Variants in OTOG observed in about 807,000 individuals in gnomAD.
The protein encoded by OTOG is otogelin.
In OTOG, 296 loss-of-function variants were observed where a neutral mutation model predicts 313.8. The observed-to-expected ratio is 0.94, with a 90% CI of 0.86 to 1.04. OTOG has a LOEUF of 1.04. Among genes scored for constraint, OTOG ranks in the 50% least tolerant of loss-of-function variants. OTOG has a pLI of 0.00. For synonymous variants in OTOG, 1,533 were observed against 1,554.9 expected (o/e 0.99, Z 0.33); for missense variants, 3,948 against 3,840.1 (o/e 1.03, Z -0.74).
chr11:17,570,111 TGGGCC>T, intron 16 of OTOG, 97 bp from the exon 17 acceptor site: 1 of 1,097,126 alleles, frequency 9.1e-7, no homozygotes. Context: ...GGGCGAAGAC[TGGGCC>T]GGGCGTGGGA....
chr11:17,639,966 A>T (rs7944097), intron 49 of OTOG, among the ~76,000 whole-genome samples: 22,912 of 143,178 alleles, frequency 0.16, 2,023 homozygotes, highest in Non-Finnish European at 0.21. Context: ...TGGTGGGGAC[A>T]GTGAGGGTGA....
chr11:17,571,970 A>G, intron 17 of OTOG, 110 bp from the exon 18 acceptor site: 2 of 1,405,684 alleles, frequency 1.4e-6, no homozygotes, highest in Non-Finnish European at 1.9e-6. Context: ...TGTGTAGATT[A>G]TGACTATGTG....
chr11:17,560,876 G>A, intron 13 of OTOG, 59 bp downstream of exon 13: 4 of 1,423,364 alleles, frequency 2.8e-6, no homozygotes, highest in Non-Finnish European at 3.9e-6. Flanking sequence ...CTTTCCACGA[G>A]GGCTGCCCAT....
At chr11:17,584,040 T>C (rs534151051) in intron 23 of OTOG, among the ~76,000 whole-genome samples, 1 of 152,362 alleles carries the variant, frequency 6.6e-6, no homozygotes, top group East Asian at 1.9e-4. Flanking sequence ...CATTGAATTT[T>C]TCATAGGTAT....
intron 24 of OTOG, among the ~76,000 whole-genome samples, chr11:17,587,926 C>T (rs892747309): frequency 6.6e-5 from 10 of 152,176 alleles, no homozygotes; most frequent in African/African-American, 2.4e-4. Context: ...CATCACTTCC[C>T]TGGACTCCAG....
At chr11:17,556,484 G>C (rs1020394067) in intron 7 of OTOG, among the ~76,000 whole-genome samples, 2 of 152,206 alleles carry the variant, frequency 1.3e-5, no homozygotes, top group African/African-American at 4.8e-5. Context: ...GGGTCTTCCT[G>C]TAATGACACT....
At chr11:17,571,180 A>G (rs926754664) in intron 17 of OTOG, among the ~76,000 whole-genome samples, 1 of 152,248 alleles carries the variant, frequency 6.6e-6, no homozygotes, top group African/African-American at 2.4e-5. Context: ...CAATGCATAT[A>G]TATTTAAAAC....
rs1277995674 is a variant in OTOG, at chr11:17,608,404, A to T, written c.4265A>T (p.Asp1422Val). Residue 1422 changes from aspartate (D) to valine (V), a missense_variant, in exon 34 of 56, where the codon GAC (aspartate) becomes GTC (valine). Coordinates refer to ENST00000399397, the MANE Select transcript of OTOG (RefSeq NM_001292063.2). The stretch of plus-strand genomic sequence containing the variant: ...GACCCACGGGCAGCCAGCTGCCGGG[A>T]CGTACCCAGGTGAGATGCCAGGGGC... ...CRDPRAASCRDVPRVEGCVPV... is the reference protein window; with the variant it reads ...CRDPRAASCRVVPRVEGCVPV... The T allele has an allele frequency of 1.0e-5, 16 of 1,540,392 alleles. No homozygotes were observed. Among genetic ancestry groups the T allele is most frequent in the Admixed American group, 4.0e-5 (2 of 49,764 alleles).
At chr11:17,643,723 C>T (rs1480915518) in intron 54 of OTOG, among the ~76,000 whole-genome samples, 2 of 152,232 alleles carry the variant, frequency 1.3e-5, no homozygotes, top group African/African-American at 4.8e-5. Context: ...TGTTCCCATA[C>T]AAAACCTCTG....
At chr11:17,627,676 GT>G (rs141633433) in intron 39 of OTOG, among the ~76,000 whole-genome samples, 12,448 of 152,172 alleles carry the variant, frequency 0.082, 863 homozygotes, top group African/African-American at 0.19. Flanking sequence ...TTCTTCAAAT[GT>G]TTGGTAGAAG....
chr11:17,644,562 A>C (rs1171812475), intron 54 of OTOG, among the ~76,000 whole-genome samples: 1 of 152,250 alleles, frequency 6.6e-6, no homozygotes, highest in Non-Finnish European at 1.5e-5. Flanking sequence ...ACAGAATAAC[A>C]AGTATAAAAA....
At position 17,594,913 on chromosome 11, in the gene OTOG, G is replaced by A. The variant is rs143340698; in HGVS notation, c.3408+747G>A. Reference sequence around the variant, plus strand: ...TCAAAACAGACTGCTTGGGAGCTATGTTGAGAAACATCCAAGATCTGTGTC... The same window carrying A: ...TCAAAACAGACTGCTTGGGAGCTATATTGAGAAACATCCAAGATCTGTGTC... On this transcript the variant is annotated intron_variant, in intron 28 of 55. Coordinates refer to ENST00000399397, the MANE Select transcript of OTOG (RefSeq NM_001292063.2). 3.7e-3 allele frequency among the ~76,000 whole-genome samples: 562 copies of A among 152,314 alleles called. 3 individuals are homozygous for A. The highest frequency in any genetic ancestry group is 0.017 in the Middle Eastern group (5 of 294).
In OTOG at chr11:17,638,460, A is replaced by T; in HGVS notation, c.7805A>T (p.Asn2602Ile). The T allele has an allele frequency of 6.5e-7, 1 of 1,548,816 alleles. No homozygotes were observed. Among genetic ancestry groups the T allele is most frequent in the Non-Finnish European group, 8.7e-7 (1 of 1,146,790 alleles). ...CTCTCCTTCCCCACAGTGTGTGAGA[A>T]CTTCCGCTGTCCCCAAGTGCAGTGT... ...CCPLYQCVCE[N>I]FRCPQVQCGL... Residue 2602 changes from asparagine (N) to isoleucine (I), a missense_variant, in exon 48 of 56, where the codon AAC (asparagine) becomes ATC (isoleucine). Coordinates refer to ENST00000399397, the MANE Select transcript of OTOG (RefSeq NM_001292063.2).
intron 11 of OTOG, among the ~76,000 whole-genome samples, 159 bp downstream of exon 11, chr11:17,559,320 A>G (rs981470728): frequency 6.6e-6 from 1 of 152,202 alleles, no homozygotes; most frequent in Non-Finnish European, 1.5e-5. Context: ...TGAGGCTCAG[A>G]GTGGGAGGAG....
At chr11:17,645,381 C>T (rs1205615409) in intron 54 of OTOG, among the ~76,000 whole-genome samples, 183 bp from the exon 55 acceptor site, 1 of 152,212 alleles carries the variant, frequency 6.6e-6, no homozygotes, top group African/African-American at 2.4e-5. Flanking sequence ...TTCCTGACTC[C>T]GCCTCCTTCC....
chr11:17,572,707 C>T (rs1393704345), intron 18 of OTOG, among the ~76,000 whole-genome samples: 1 of 152,258 alleles, frequency 6.6e-6, no homozygotes, highest in African/African-American at 2.4e-5. Context: ...TCACTGAGGC[C>T]TTCCTGACTG....
At position 17,608,330 on chromosome 11, in the gene OTOG, C is replaced by T. The variant is rs757035489; in HGVS notation, c.4191C>T (p.Cys1397=). ...AKPSGAAYPI[C]EWRYDACASP... is the part of the protein sequence containing the mutation. ...CCTCGGGGGCTGCCTACCCCATCTG[C>T]GAGTGGCGCTACGATGCCTGTGCCA... The change falls in exon 34 of 56, where the codon TGC becomes TGT. Residue 1397 remains cysteine (C), a synonymous_variant. Coordinates refer to ENST00000399397, the MANE Select transcript of OTOG (RefSeq NM_001292063.2). The T allele has an allele frequency of 1.3e-5, 20 of 1,545,730 alleles. No individual in the cohort carries two copies. Among genetic ancestry groups the T allele is most frequent in the South Asian group, 6.0e-5 (5 of 82,858 alleles).
rs1853512274 is a variant in OTOG, at chr11:17,610,734, A to G, written c.5434A>G (p.Lys1812Glu). 1 of 1,550,104 alleles carries G rather than the reference A, an allele frequency of 6.5e-7. No homozygotes were observed. The highest frequency in any genetic ancestry group is 1.2e-5 in the South Asian group (1 of 84,064). Reference protein sequence around the residue: ...LPPDTSLPLAKVGTSAPVATP... With the variant: ...LPPDTSLPLAEVGTSAPVATP... ...TCCCGACACCAGCCTGCCCCTGGCC[A>G]AGGTGGGCACATCTGCCCCAGTGGC... Residue 1812 changes from lysine (K) to glutamate (E), a missense_variant, in exon 36 of 56, where the codon AAG becomes GAG. Physicochemically the swap from Lys to Glu is moderately conservative, Grantham distance 56. Coordinates refer to ENST00000399397, the MANE Select transcript of OTOG (RefSeq NM_001292063.2).
Position 17,557,175 on chromosome 11 carries a change from C to T in OTOG, c.717C>T (p.Val239=), listed in dbSNP as rs1565090461. The T allele has an allele frequency of 6.4e-7, 1 of 1,550,640 alleles. No homozygotes were observed. ...SARLQQLAGY[V]IVRHQSAFTL... ...GTCTGCAGCAGCTTGCCGGCTATGT[C>T]ATCGTGCGGCATCAGTCAGCCTTCA... The change falls in exon 8 of 56, where the codon GTC becomes GTT. Residue 239 remains valine, a synonymous_variant. Transcript: ENST00000399397.
Sources: gnomAD v4.1 joint callset for allele counts (sites outside exome capture counted in the v4.1 genomes callset) on GRCh38, gnomAD v4.1.1 for gene constraint, MANE v1.5 for transcripts, NCBI Gene and HGNC (gene_info 2026-07-23, HGNC 2026-07-21) for gene names.